The following RAD18 variants were observed in gnomAD, a reference collection of about 807,000 sequenced individuals.
The protein encoded by RAD18 is E3 ubiquitin-protein ligase RAD18.
Under a neutral mutation model 60.4 loss-of-function variants are expected in RAD18, and 47 were observed. The observed-to-expected ratio is 0.78, with a 90% confidence interval of 0.62 to 0.99. The LOEUF (loss-of-function observed/expected upper bound fraction) is 0.99. RAD18 is among the 50% of genes least tolerant of loss of function. RAD18 has a pLI of 0.00. For missense variants in RAD18, 640 were observed against 593.3 expected, an observed-to-expected ratio of 1.08 and a Z score of -0.82; for synonymous variants, 225 against 195.5, an observed-to-expected ratio of 1.15 and a Z score of -1.26.
At chr3:8,907,609 T>C (rs935081583) in intron 9 of RAD18, among the ~76,000 whole-genome samples, 2 of 152,172 alleles carry the variant, frequency 1.3e-5, no homozygotes, top group Non-Finnish European at 2.9e-5. Flanking sequence ...CGGTCAGGGA[T>C]GCAAGCTGCT....
At position 8,944,262 on chromosome 3, in the gene RAD18, G is replaced by A. The variant is rs45540937; in HGVS notation, c.267-2458C>T. On this transcript the variant is annotated intron_variant, in intron 4 of 12. Transcript: ENST00000264926. ...GACAAAGAAACAGAAAACCTGAAGA[G>A]CCCTTATTATCTGTTAAAGAAACAG... Among the ~76,000 whole-genome samples the A allele has an allele frequency of 6.3e-3, 961 of 152,208 alleles. 7 individuals are homozygous for A. The highest frequency in any genetic ancestry group is 0.021 in the African/African-American group (869 of 41,536).
intron 7 of RAD18, among the ~76,000 whole-genome samples, chr3:8,932,063 A>C (rs561519251): frequency 6.6e-6 from 1 of 152,232 alleles, no homozygotes; most frequent in Non-Finnish European, 1.5e-5. Context: ...AAAATAACAC[A>C]GGAGAAATTT....
chr3:8,944,080 G>C (rs1940800402), intron 4 of RAD18, among the ~76,000 whole-genome samples: 1 of 151,980 alleles, frequency 6.6e-6, no homozygotes, highest in Non-Finnish European at 1.5e-5. Flanking sequence ...ATAAATGAGA[G>C]AAAATACAAA....
intron 11 of RAD18, among the ~76,000 whole-genome samples, chr3:8,893,921 C>G (rs954825425): frequency 6.6e-6 from 1 of 152,086 alleles, no homozygotes; most frequent in Non-Finnish European, 1.5e-5. Context: ...AACTCCCAGG[C>G]TCAAGTGATC....
intron 2 of RAD18, among the ~76,000 whole-genome samples, chr3:8,953,956 G>C (rs1940968786): frequency 6.6e-6 from 1 of 152,088 alleles, no homozygotes; most frequent in African/African-American, 2.4e-5. Context: ...GCTAATTCAA[G>C]AGACAACATA....
At chr3:8,938,841 T>C (rs1457631341) in intron 6 of RAD18, among the ~76,000 whole-genome samples, 3 of 152,210 alleles carry the variant, frequency 2.0e-5, no homozygotes, top group Non-Finnish European at 2.9e-5. Context: ...CTGCTTATTA[T>C]CCACTGATTC....
chr3:8,926,026 A>G (rs1940427184), intron 7 of RAD18, among the ~76,000 whole-genome samples: 1 of 151,010 alleles, frequency 6.6e-6, no homozygotes, highest in Non-Finnish European at 1.5e-5. Context: ...CTCTCTCACC[A>G]CTCCTATTCA....
rs1940744943 is a variant in RAD18 at position 8,941,470 on chromosome 3, T to C, written c.601A>G (p.Lys201Glu). 1.3e-5 allele frequency: 20 copies of C among 1,592,396 alleles called. No homozygotes were observed. The highest frequency in any genetic ancestry group is 1.7e-5 in the Non-Finnish European group (20 of 1,163,808). The change falls in exon 5 of 13, where the codon AAA becomes GAA. Residue 201 changes from lysine (K) to glutamate (E), a missense_variant. Lys to Glu is a moderately conservative substitution (Grantham distance 56). Coordinates refer to ENST00000264926, the MANE Select transcript of RAD18 (RefSeq NM_020165.4). Reference sequence around the variant, plus strand: ...ACATATGAAAATAACTTCCTACCTTTAGTAACTTGTTTCAAAGTGGATGTC... The same window carrying C: ...ACATATGAAAATAACTTCCTACCTTCAGTAACTTGTTTCAAAGTGGATGTC... ...PSTSTLKQVT[K>E]VDCPVCGVNI...
At chr3:8,947,394 C>G in intron 3 of RAD18, 104 bp from the exon 4 acceptor site, 1 of 861,144 alleles carries the variant, frequency 1.2e-6, no homozygotes, top group Non-Finnish European at 1.9e-6. Flanking sequence ...GGTTCTCCAT[C>G]CCACTAAGTC....
intron 9 of RAD18, among the ~76,000 whole-genome samples, chr3:8,910,778 T>G (rs1940093550): frequency 6.6e-6 from 1 of 152,184 alleles, no homozygotes; most frequent in Non-Finnish European, 1.5e-5. Flanking sequence ...GATATATAAA[T>G]GAGCTAAATC....
At chr3:8,929,437 G>T (rs1158735800) in intron 7 of RAD18, among the ~76,000 whole-genome samples, 1 of 152,102 alleles carries the variant, frequency 6.6e-6, no homozygotes, top group East Asian at 1.9e-4. Context: ...AGGTTAACAA[G>T]AAAATGTTAC....
At chr3:8,922,246 G>A (rs1430327964) in intron 7 of RAD18, among the ~76,000 whole-genome samples, 10 of 152,228 alleles carry the variant, frequency 6.6e-5, no homozygotes, top group Admixed American at 6.5e-4. Context: ...CCCTACTACT[G>A]CACTTCTCCA....
intron 7 of RAD18, among the ~76,000 whole-genome samples, chr3:8,923,754 A>C (rs1004869910): frequency 2.0e-5 from 3 of 152,210 alleles, no homozygotes; most frequent in African/African-American, 7.2e-5. Flanking sequence ...AGTGGGGGCC[A>C]ATATTCAGCA....
chr3:8,878,035 G>A lies in RAD18; in HGVS notation c.*3322C>T, dbSNP rs192442510. On this transcript the variant is annotated 3_prime_UTR_variant, in exon 13 of 13. Transcript: ENST00000264926. ...AGCACTTGGCAGGTTTGCATCTTGG[G>A]GCTATATCGGGGATGGCGTCCTAGG... 1 of 152,584 alleles carries A rather than the reference G, an allele frequency of 6.6e-6. No individual in the cohort carries two copies. The highest frequency in any genetic ancestry group is 1.9e-4 in the East Asian group (1 of 5,182). The allele number at this position is 152,584 out of a possible 1,614,324, so 9.5% of individuals were successfully genotyped here.
chr3:8,919,141 TTAAA>T (rs1411155875), intron 7 of RAD18, among the ~76,000 whole-genome samples: 2 of 152,104 alleles, frequency 1.3e-5, no homozygotes, highest in African/African-American at 4.8e-5. Flanking sequence ...TAGGTAGCAA[TTAAA>T]TAAAGTAGAC....
rs143651419 is a variant in RAD18 at position 8,947,276 on chromosome 3, C to T, written c.210G>A (p.Pro70=). The T allele has an allele frequency of 1.3e-5, 21 of 1,608,814 alleles. No individual in the cohort carries two copies. Among genetic ancestry groups the T allele is most frequent in the Middle Eastern group, 1.6e-4 (1 of 6,068 alleles). The part of the protein sequence containing the change: ...CPTCCVTVTE[P]DLKNNRILDE... ...CTAATATGCGGTTATTTTTCAGATC[C>T]GGCTCTGTGACAGTCTAGAAAAAAC... is the stretch of plus-strand genomic sequence containing the variant. The change falls in exon 4 of 13, where the codon CCG becomes CCA. Residue 70 remains proline, a synonymous_variant. Coordinates refer to ENST00000264926, the MANE Select transcript of RAD18 (RefSeq NM_020165.4).
chr3:8,943,622 C>G (rs150274735), intron 4 of RAD18, among the ~76,000 whole-genome samples: 1 of 151,748 alleles, frequency 6.6e-6, no homozygotes, highest in South Asian at 2.1e-4. Flanking sequence ...CTAGAAAAAC[C>G]AATGGCTGAG....
chr3:8,948,936 C>A (rs1448318167), intron 2 of RAD18, among the ~76,000 whole-genome samples: 2 of 152,034 alleles, frequency 1.3e-5, no homozygotes, highest in African/African-American at 2.4e-5. Context: ...AATATATATA[C>A]ACATATTAAG....
At chr3:8,906,138 A>G (rs1939997412) in intron 9 of RAD18, among the ~76,000 whole-genome samples, 2 of 152,220 alleles carry the variant, frequency 1.3e-5, no homozygotes, top group African/African-American at 4.8e-5. Flanking sequence ...AGAGAATAGA[A>G]AGTATCAGAA....
Sources: gnomAD v4.1 joint callset for allele counts (sites outside exome capture counted in the v4.1 genomes callset) on GRCh38, gnomAD v4.1.1 for gene constraint, MANE v1.5 for transcripts, NCBI Gene and HGNC (gene_info 2026-07-23, HGNC 2026-07-21) for gene names.